Variants in IDH2 observed in about 807,000 individuals in gnomAD.
The protein encoded by IDH2 is isocitrate dehydrogenase [NADP], mitochondrial.
A neutral mutation model predicts 50.5 loss-of-function variants in IDH2; 18 were observed. The observed-to-expected ratio is 0.36, with a 90% CI of 0.25 to 0.53. IDH2 has a LOEUF of 0.53. Ranked by LOEUF, IDH2 falls within the 20% of genes least tolerant of loss-of-function variation. IDH2 has a pLI of 0.92. For synonymous variants in IDH2, 280 were observed against 239.8 expected, an observed-to-expected ratio of 1.17 and a Z score of -1.55; for missense variants, 518 against 610.7, an observed-to-expected ratio of 0.85 and a Z score of 1.60.
In IDH2 at chr15:90,087,398, G is replaced by A. The variant is rs77211768; in HGVS notation, c.815+41C>T. On this transcript the variant is annotated intron_variant, in intron 6 of 10. Coordinates refer to ENST00000330062, the MANE Select transcript of IDH2 (RefSeq NM_002168.4). ...GGGTAGGATGGGAACAGCATGGGGGGAAGGGAAGAAAGGCCACAGAGTACA... is the reference window on the plus strand; with the variant it reads ...GGGTAGGATGGGAACAGCATGGGGGAAAGGGAAGAAAGGCCACAGAGTACA... 5,649 of 1,613,888 alleles carry A rather than the reference G, an allele frequency of 3.5e-3. 173 individuals carry two copies. The East Asian group carries it at 0.054, about 15-fold the overall frequency.
intron 1 of IDH2, among the ~76,000 whole-genome samples, chr15:90,099,435 C>G (rs1057298180): frequency 6.6e-6 from 1 of 152,164 alleles, no homozygotes; most frequent in African/African-American, 2.4e-5. Flanking sequence ...TGTGCACACA[C>G]CTTTCTTGCC....
chr15:90,090,701 A>G, intron 2 of IDH2, 57 bp from the exon 3 acceptor site: 1 of 1,574,012 alleles, frequency 6.4e-7, no homozygotes. Context: ...ACATGACAAC[A>G]AAGGGCAGGA....
chr15:90,101,850 G>A (rs1161628882), intron 1 of IDH2, among the ~76,000 whole-genome samples: 4 of 152,064 alleles, frequency 2.6e-5, no homozygotes, highest in Non-Finnish European at 5.9e-5. Context: ...TCTGAGCAGG[G>A]GCCGAGCCAC....
chr15:90,099,684 C>T (rs879612469), intron 1 of IDH2, among the ~76,000 whole-genome samples: 13 of 152,060 alleles, frequency 8.5e-5, no homozygotes, highest in Non-Finnish European at 1.8e-4. Context: ...TCTGGAGCTC[C>T]CAGCCTCAAG....
chr15:90,084,158 T>A lies in IDH2; in HGVS notation c.*108A>T, dbSNP rs1900792391. The A allele has an allele frequency of 1.2e-6, 1 of 815,928 alleles. No individual in the cohort carries two copies. The highest frequency in any genetic ancestry group is 1.7e-5 in the African/African-American group (1 of 58,876). 50.5% of individuals were successfully genotyped at this position (815,928 alleles called of 1,614,324 possible). On this transcript the variant is annotated 3_prime_UTR_variant, in exon 11 of 11. Coordinates refer to ENST00000330062, the MANE Select transcript of IDH2 (RefSeq NM_002168.4). The surrounding 1 kb of genome is among the most constrained non-coding windows in gnomAD (Gnocchi z 5.0). ...ATCTGGCTTATAAAAAAACATCCCC[T>A]AGAAAGGCCTCCAGAGAGGGGCTGT...
At chr15:90,101,161 A>G (rs993996289) in intron 1 of IDH2, among the ~76,000 whole-genome samples, 1 of 151,924 alleles carries the variant, frequency 6.6e-6, no homozygotes. Context: ...ACTGGGGCCC[A>G]AGCCTCCCTA....
Position 90,091,640 on chromosome 15 carries a change from G to A in IDH2, c.120C>T (p.Ala40=), listed in dbSNP as rs148974231. The change falls in exon 2 of 11, where the codon GCC becomes GCT. Residue 40 remains alanine (A), a synonymous_variant. Coordinates refer to ENST00000330062, the MANE Select transcript of IDH2 (RefSeq NM_002168.4). ...GCTTCGCCACCTTGATCCTTTTGTC[G>A]GCATCTAGAAGCAGGGACACACAGC... ...TSQEQPRRHY[A]DKRIKVAKPV... 6.2e-5 allele frequency: 100 copies of A among 1,613,752 alleles called. No individual in the cohort carries two copies. The highest frequency in any genetic ancestry group is 4.9e-4 in the East Asian group (22 of 44,894).
rs763078146 is a variant in IDH2 at position 90,084,217 on chromosome 15, G to C, written c.*49C>G. On this transcript the variant is annotated 3_prime_UTR_variant, in exon 11 of 11. Transcript: ENST00000330062. The surrounding 1 kb of genome is among the most constrained non-coding windows in gnomAD (Gnocchi z 5.0). Reference sequence around the variant, plus strand: ...CCCTCTGCCGCGCTCAGGAGGACCCGCCGGCTCAGCCCTGGCCCCTCCACT... The same window carrying C: ...CCCTCTGCCGCGCTCAGGAGGACCCCCCGGCTCAGCCCTGGCCCCTCCACT... 1 of 1,531,824 alleles carries C rather than the reference G, an allele frequency of 6.5e-7. No homozygotes were observed. The highest frequency in any genetic ancestry group is 2.3e-5 in the East Asian group (1 of 44,052). 94.9% of individuals were successfully genotyped at this position (1,531,824 alleles called of 1,614,324 possible).
At chr15:90,087,639 ACCT>A (rs1283135388) in intron 5 of IDH2, 64 bp from the exon 6 acceptor site, 36 of 1,600,418 alleles carry the variant, frequency 2.2e-5, no homozygotes, top group Non-Finnish European at 3.1e-5. Context: ...GCAACCTCCC[ACCT>A]CCCAGGGCAA....
rs530514352 is a variant in IDH2, at chr15:90,083,879, G to C, written c.*387C>G. On this transcript the variant is annotated 3_prime_UTR_variant, in exon 11 of 11. Coordinates refer to ENST00000330062, the MANE Select transcript of IDH2 (RefSeq NM_002168.4). ...CCCTGCCGTGGCAGCCCCTTCCTGA[G>C]GTGCTCTGGTCTGCCCCAGGGGAAC... The C allele has an allele frequency of 2.6e-4, 92 of 347,498 alleles. No homozygotes were observed. Among genetic ancestry groups the C allele is most frequent in the African/African-American group, 1.8e-3 (86 of 48,530 alleles). The allele number at this position is 347,498 out of a possible 1,614,324, so 21.5% of individuals were successfully genotyped here.
chr15:90,091,668 A>T (rs368906245), intron 1 of IDH2, 24 bp from the exon 2 acceptor site: 2 of 1,599,224 alleles, frequency 1.3e-6, no homozygotes, highest in Non-Finnish European at 1.7e-6. Context: ...CACACAGCGC[A>T]TCATGCCCCT....
chr15:90,102,097 G>T (rs113108255), intron 1 of IDH2, among the ~76,000 whole-genome samples, 179 bp downstream of exon 1: 8 of 151,924 alleles, frequency 5.3e-5, no homozygotes, highest in Non-Finnish European at 1.0e-4. Flanking sequence ...CGCCTGGCAC[G>T]GCCGGGAAGC....
chr15:90,085,260 A>G lies in IDH2; in HGVS notation c.1080+15T>C, dbSNP rs199967272. The G allele has an allele frequency of 3.2e-6, 5 of 1,551,704 alleles. No individual in the cohort carries two copies. In the African/African-American group the frequency reaches 6.8e-5, roughly 21 times the overall value. ...GGGTAGAGGGGCATTGTGAGGCCCCATGCCCTGCACTCACCTTCTGGTGCT... is the reference window on the plus strand; with the variant it reads ...GGGTAGAGGGGCATTGTGAGGCCCCGTGCCCTGCACTCACCTTCTGGTGCT... On this transcript the variant is annotated intron_variant, in intron 8 of 10. Coordinates refer to ENST00000330062, the MANE Select transcript of IDH2 (RefSeq NM_002168.4). The surrounding 1 kb of genome is among the most constrained non-coding windows in gnomAD (Gnocchi z 5.5).
intron 1 of IDH2, among the ~76,000 whole-genome samples, chr15:90,092,836 C>T (rs568427977): frequency 2.0e-4 from 30 of 152,334 alleles, no homozygotes; most frequent in East Asian, 1.7e-3. Flanking sequence ...CCTTGACCCC[C>T]GCAAAGTGCT....
At chr15:90,089,265 TA>T (rs527417590) in intron 3 of IDH2, among the ~76,000 whole-genome samples, 3 of 151,440 alleles carry the variant, frequency 2.0e-5, no homozygotes, top group Non-Finnish European at 2.9e-5. Flanking sequence ...ACCAAAGCTG[TA>T]AAAAAAAATT....
At chr15:90,091,252 A>T (rs759907035) in intron 2 of IDH2, among the ~76,000 whole-genome samples, 1 of 152,222 alleles carries the variant, frequency 6.6e-6, no homozygotes, top group Non-Finnish European at 1.5e-5. Flanking sequence ...GGCAAAACGT[A>T]GGGGATCAAG....
At position 90,088,576 on chromosome 15, in the gene IDH2, C is replaced by T. The variant is rs367811936; in HGVS notation, c.534+11G>A. On this transcript the variant is annotated intron_variant, in intron 4 of 10. Transcript: ENST00000330062. ...CCCAGGTCAGTGGATCCCCTCTCCA[C>T]CCTGGCCTACCTGGTCGCCATGGGC... The T allele has an allele frequency of 1.2e-6, 2 of 1,614,212 alleles. No homozygotes were observed. The highest frequency in any genetic ancestry group is 8.5e-7 in the Non-Finnish European group (1 of 1,180,036).
At chr15:90,088,960 G>A (rs1900955929) in intron 3 of IDH2, among the ~76,000 whole-genome samples, 1 of 145,682 alleles carries the variant, frequency 6.9e-6, no homozygotes, top group Non-Finnish European at 1.5e-5. Context: ...TATTGCCCAG[G>A]CTGGAGTGCA....
chr15:90,085,615 A>G lies in IDH2; in HGVS notation c.968-228T>C, dbSNP rs1478026836. On this transcript the variant is annotated intron_variant, in intron 7 of 10. Transcript: ENST00000330062. This position sits in a 1 kb window ranked among gnomAD's most constrained non-coding sequence, Gnocchi z 5.5. The stretch of plus-strand genomic sequence containing the variant: ...AGGGCACTGGAGGGTGGCTATCACC[A>G]GCACATTAACATCCATCTGTGTCAC... 6.6e-6 allele frequency among the ~76,000 whole-genome samples: 1 copy of G among 152,144 alleles called. No homozygotes were observed. The highest frequency in any genetic ancestry group is 1.9e-4 in the East Asian group (1 of 5,178).
Sources: allele counts gnomAD v4.1 joint callset (sites outside exome capture counted in the v4.1 genomes callset), GRCh38; gene constraint gnomAD v4.1.1; non-coding constraint Gnocchi (gnomAD v3.1); transcripts MANE v1.5; gene names NCBI Gene and HGNC (gene_info 2026-07-23, HGNC 2026-07-21).